The following GJC3 variants were observed in gnomAD, a reference collection of about 807,000 sequenced individuals.
GJC3 encodes gap junction gamma-3 protein.
In GJC3, 17 loss-of-function variants were observed where a neutral mutation model predicts 19.8. The observed-to-expected ratio is 0.86, with a 90% CI of 0.59 to 1.29. The LOEUF (loss-of-function observed/expected upper bound fraction) is 1.29, where lower values mean the gene tolerates loss of function less well. Ranked by LOEUF, GJC3 falls within the 50% of genes most tolerant of loss-of-function variation. The pLI, the probability that GJC3 is intolerant of heterozygous loss-of-function variation, is 0.00. For missense variants in GJC3, 317 were observed against 332.5 expected, an observed-to-expected ratio of 0.95 and a Z score of 0.36; for synonymous variants, 140 against 136.5, an observed-to-expected ratio of 1.03 and a Z score of -0.18.
rs1020837043 is a variant in GJC3 at position 99,923,570 on chromosome 7, C to G, written c.815G>C (p.Arg272Thr). 2 of 780,946 alleles carry G rather than the reference C, an allele frequency of 2.6e-6. No individual in the cohort carries two copies. The highest frequency in any genetic ancestry group is 4.8e-6 in the Non-Finnish European group (2 of 418,116). 48.4% of individuals were successfully genotyped at this position (780,946 alleles called of 1,614,324 possible). Residue 272 changes from arginine to threonine, a missense_variant, in exon 2 of 2, where the codon AGA (arginine) becomes ACA (threonine). By Grantham distance (71) the Arg-to-Thr change is moderately conservative (BLOSUM62 -1). Coordinates refer to ENST00000312891, the MANE Select transcript of GJC3 (RefSeq NM_181538.3). The part of the protein sequence containing the change: ...PGRSLAQEKQ[R>T]PVGPRDA ...TCAGGCATCTCTGGGTCCAACTGGT[C>G]TTTGTTTTTCCTGGGCTAAGCTTCT...
chr7:99,923,349 C>A lies in GJC3; in HGVS notation c.*196G>T. 1.6e-6 allele frequency: 1 copy of A among 627,178 alleles called. No individual in the cohort carries two copies. Among genetic ancestry groups the A allele is most frequent in the South Asian group, 1.8e-5 (1 of 54,602 alleles). The allele number at this position is 627,178 out of a possible 1,614,324, so 38.9% of individuals were successfully genotyped here. A position where few individuals can be genotyped will look rare whatever the true frequency, so the allele number is the denominator to read the frequency against. On this transcript the variant is annotated 3_prime_UTR_variant, in exon 2 of 2. Transcript: ENST00000312891. ...TTCCCCAAAGCAATGCCTCCCTGAG[C>A]AATGGTGCAAACATGGCTTTTATTA...
intron 1 of GJC3, among the ~76,000 whole-genome samples, chr7:99,925,021 A>G (rs1195582224): frequency 2.0e-5 from 3 of 151,822 alleles, no homozygotes; most frequent in African/African-American, 7.2e-5. Context: ...AAGGATGGGA[A>G]GGGTAGTAGG....
At chr7:99,926,240 A>G (rs1819797314) in intron 1 of GJC3, among the ~76,000 whole-genome samples, 1 of 152,108 alleles carries the variant, frequency 6.6e-6, no homozygotes, top group Non-Finnish European at 1.5e-5. Context: ...ACGCTGAAGC[A>G]GGAGAATCGC....
At chr7:99,930,555 C>T (rs142144139), upstream of GJC3, among the ~76,000 whole-genome samples, 67 of 152,196 alleles carry the variant, frequency 4.4e-4, no homozygotes, top group African/African-American at 1.5e-3. Context: ...TTGTCCTAAT[C>T]AGCTGCCTTC....
At position 99,923,372 on chromosome 7, in the gene GJC3, T is replaced by C. The variant is rs1819719525; in HGVS notation, c.*173A>G. On this transcript the variant is annotated 3_prime_UTR_variant, in exon 2 of 2. Coordinates refer to ENST00000312891, the MANE Select transcript of GJC3 (RefSeq NM_181538.3). ...AGCAATGGTGCAAACATGGCTTTTA[T>C]TAGTCTGGTTAGCTGAGTCATTGTA... 1 of 676,998 alleles carries C rather than the reference T, an allele frequency of 1.5e-6. No homozygotes were observed. The highest frequency in any genetic ancestry group is 1.8e-5 in the African/African-American group (1 of 56,600). 41.9% of individuals were successfully genotyped at this position (676,998 alleles called of 1,614,324 possible).
upstream of GJC3, chr7:99,929,834 G>A (rs1410549430): frequency 3.3e-6 from 2 of 610,644 alleles, no homozygotes; most frequent in Non-Finnish European, 5.8e-6. Context: ...GAGTGTGTGT[G>A]GTGTGGCTCT....
rs372308437 is a variant in GJC3 at position 99,929,422 on chromosome 7, C to T, written c.199G>A (p.Ala67Thr). 18 of 1,614,028 alleles carry T rather than the reference C, an allele frequency of 1.1e-5. No homozygotes were observed. The African/African-American group carries it at 2.0e-4, about 18-fold the overall frequency. Residue 67 changes from alanine (A) to threonine (T), a missense_variant, in exon 1 of 2, where the codon GCC becomes ACC. By Grantham distance (58) the Ala-to-Thr change is moderately conservative. Transcript: ENST00000312891. The stretch of plus-strand genomic sequence containing the variant: ...CGCAGCGGGGAGAGGGGGTGGAAGG[C>T]ATCGAAGCAGGCAGCCTTGCAGCCC... ...QPGCKAACFD[A>T]FHPLSPLRFW... is the part of the protein sequence containing the mutation.
At position 99,929,012 on chromosome 7, in the gene GJC3, G is replaced by A; in HGVS notation, c.609C>T (p.Leu203=). 1 of 1,614,196 alleles carries A rather than the reference G, an allele frequency of 6.2e-7. No homozygotes were observed. The highest frequency in any genetic ancestry group is 8.5e-7 in the Non-Finnish European group (1 of 1,180,034). ...GCACAAGCTCCAAAAAAGTAAACAA[G>A]AGACAGAAACCGCTGACTCCAAACA... ...KTMFGVSGFC[L]LFTFLELVLL... Residue 203 remains leucine, a synonymous_variant, in exon 1 of 2, where the codon CTC becomes CTT. Coordinates refer to ENST00000312891, the MANE Select transcript of GJC3 (RefSeq NM_181538.3).
rs777548182 is a variant in GJC3, at chr7:99,929,583, T to C, written c.38A>G (p.Glu13Gly). Residue 13 changes from glutamate to glycine, a missense_variant, in exon 1 of 2, where the codon GAG becomes GGG. Physicochemically the swap from Glu to Gly is moderately conservative, Grantham distance 98. Coordinates refer to ENST00000312891, the MANE Select transcript of GJC3 (RefSeq NM_181538.3). ...CCCCACGGGGGTGGAGCGCCGGCTC[T>C]CCTCCGCCAGCAGCCGCCGCAGGAA... Reference protein sequence around the residue: ...GRFLRRLLAEESRRSTPVGRL... With the variant: ...GRFLRRLLAEGSRRSTPVGRL... The C allele has an allele frequency of 6.2e-7, 1 of 1,610,132 alleles. No homozygotes were observed. Among genetic ancestry groups the C allele is most frequent in the Admixed American group, 1.7e-5 (1 of 59,838 alleles).
intron 1 of GJC3, among the ~76,000 whole-genome samples, chr7:99,924,265 G>A (rs769532861): frequency 5.3e-5 from 8 of 152,138 alleles, no homozygotes; most frequent in African/African-American, 1.7e-4. Context: ...ACTGTTTAGT[G>A]GGAAGTCACT....
Position 99,929,324 on chromosome 7 carries a change from C to G in GJC3, c.297G>C (p.Val99=). 1.9e-6 allele frequency: 3 copies of G among 1,614,210 alleles called. No individual in the cohort carries two copies. The highest frequency in any genetic ancestry group is 2.5e-6 in the Non-Finnish European group (3 of 1,180,044). The stretch of plus-strand genomic sequence containing the variant: ...TTCCTGATAATTCCCAGTGCCAGAT[C>G]ACGTGATACAGAGTGAAACCCATAT... ...ALYMGFTLYH[V]IWHWELSGKG... is the part of the protein sequence containing the mutation. Residue 99 remains valine, a synonymous_variant, in exon 1 of 2, where the codon GTG becomes GTC. Transcript: ENST00000312891.
chr7:99,929,655 G>T (rs767128562), upstream of GJC3: 8 of 1,570,430 alleles, frequency 5.1e-6, no homozygotes, highest in South Asian at 6.8e-5. Context: ...GATCAGTGTT[G>T]TTCACTGTCC....
Position 99,929,349 on chromosome 7 carries a change from T to C in GJC3, c.272A>G (p.Tyr91Cys), listed in dbSNP as rs1358589519. ...VILVAVPSAL[Y>C]MGFTLYHVIW... ...CACGTGATACAGAGTGAAACCCATA[T>C]AGAGGGCGCTGGGTACAGCCACCAA... Residue 91 changes from tyrosine (Y) to cysteine (C), a missense_variant, in exon 1 of 2, where the codon TAT (tyrosine) becomes TGT (cysteine). Physicochemically the swap from Tyr to Cys is radical, Grantham distance 194 (BLOSUM62 -2). Coordinates refer to ENST00000312891, the MANE Select transcript of GJC3 (RefSeq NM_181538.3). 3 of 1,613,892 alleles carry C rather than the reference T, an allele frequency of 1.9e-6. No individual in the cohort carries two copies. The highest frequency in any genetic ancestry group is 2.7e-5 in the African/African-American group (2 of 74,874).
intron 1 of GJC3, among the ~76,000 whole-genome samples, chr7:99,925,732 G>C (rs942226004): frequency 1.3e-5 from 2 of 152,272 alleles, no homozygotes; most frequent in East Asian, 3.9e-4. Flanking sequence ...GATTTGAATA[G>C]ACATTTCTCC....
At chr7:99,925,708 A>T (rs550282349) in intron 1 of GJC3, among the ~76,000 whole-genome samples, 9 of 152,246 alleles carry the variant, frequency 5.9e-5, no homozygotes, top group Non-Finnish European at 1.3e-4. Context: ...AACTCTATTT[A>T]TAAATGGGAA....
intron 1 of GJC3, among the ~76,000 whole-genome samples, chr7:99,926,184 A>T (rs1819794809): frequency 2.6e-5 from 4 of 152,160 alleles, no homozygotes; most frequent in Admixed American, 1.3e-4. Context: ...AAATACAAAA[A>T]TTAGCTGGGT....
In GJC3 at chr7:99,923,473, G is replaced by C; in HGVS notation, c.*72C>G. Reference sequence around the variant, plus strand: ...ACATATGTCACATGTATAGAAAATGGTGAATAAGCTCCTCCTTGGACAGGA... The same window carrying C: ...ACATATGTCACATGTATAGAAAATGCTGAATAAGCTCCTCCTTGGACAGGA... On this transcript the variant is annotated 3_prime_UTR_variant, in exon 2 of 2. Coordinates refer to ENST00000312891, the MANE Select transcript of GJC3 (RefSeq NM_181538.3). The C allele has an allele frequency of 1.3e-6, 1 of 778,902 alleles. No homozygotes were observed. The highest frequency in any genetic ancestry group is 2.4e-6 in the Non-Finnish European group (1 of 417,974). 48.2% of individuals were successfully genotyped at this position (778,902 alleles called of 1,614,324 possible).
intron 1 of GJC3, among the ~76,000 whole-genome samples, chr7:99,924,211 TG>T (rs1463100644): frequency 6.6e-6 from 1 of 152,244 alleles, no homozygotes; most frequent in Non-Finnish European, 1.5e-5. Context: ...TAGTATTTGA[TG>T]GGTTTCTCCC....
chr7:99,929,138 G>T lies in GJC3; in HGVS notation c.483C>A (p.Phe161Leu). The change falls in exon 1 of 2, where the codon TTC becomes TTA. Residue 161 changes from phenylalanine (F) to leucine (L), a missense_variant. Physicochemically the swap from Phe to Leu is conservative, Grantham distance 22 (BLOSUM62 0). Transcript: ENST00000312891. ...GACATGCAAAGGAGCTGGGCATCTG[G>T]AACCCATACAGGTGGTACTGCAACC... ...ALGLQYHLYG[F>L]QMPSSFACRR... 2.5e-6 allele frequency: 4 copies of T among 1,613,884 alleles called. No individual in the cohort carries two copies. Among genetic ancestry groups the T allele is most frequent in the Non-Finnish European group, 3.4e-6 (4 of 1,180,014 alleles).
Sources: gnomAD v4.1 joint callset for allele counts (sites outside exome capture counted in the v4.1 genomes callset) on GRCh38, gnomAD v4.1.1 for gene constraint, MANE v1.5 for transcripts, NCBI Gene and HGNC (gene_info 2026-07-23, HGNC 2026-07-21) for gene names.